Variants in NCAM2 observed in about 807,000 individuals in gnomAD.
NCAM2 encodes neural cell adhesion molecule 2, also known as N-CAM-2.
In NCAM2, 30 loss-of-function variants were observed where a neutral mutation model predicts 98.1. The ratio of observed to expected loss-of-function variants is 0.31; its 90% CI spans 0.23 to 0.41. NCAM2 has a LOEUF of 0.41. Among genes scored for constraint, NCAM2 ranks in the 10% least tolerant of loss-of-function variants. NCAM2 has a pLI of 1.00. For missense variants in NCAM2, 867 were observed against 1,005.8 expected, an observed-to-expected ratio of 0.86 and a Z score of 1.87; for synonymous variants, 368 against 342.4, an observed-to-expected ratio of 1.07 and a Z score of -0.83.
intron 1 of NCAM2, among the ~76,000 whole-genome samples, chr21:21,160,414 A>G (rs1250750013): frequency 6.6e-6 from 1 of 152,002 alleles, no homozygotes; most frequent in East Asian, 1.9e-4. Flanking sequence ...TCTAGTGAGT[A>G]TTTGTGTTGT....
At chr21:21,077,663 T>G (rs146367695) in intron 1 of NCAM2, among the ~76,000 whole-genome samples, 4 of 152,164 alleles carry the variant, frequency 2.6e-5, no homozygotes, top group Non-Finnish European at 5.9e-5. Flanking sequence ...AATAAAATAG[T>G]CTAAACAAAT....
intron 5 of NCAM2, among the ~76,000 whole-genome samples, chr21:21,296,163 C>G (rs929920339): frequency 1.3e-5 from 2 of 151,746 alleles, no homozygotes; most frequent in African/African-American, 4.8e-5. Context: ...AGTTGTAGCT[C>G]AACAATCTGT....
At chr21:21,369,448 T>A (rs73322792) in intron 8 of NCAM2, among the ~76,000 whole-genome samples, 3,248 of 151,988 alleles carry the variant, frequency 0.021, 98 homozygotes, top group African/African-American at 0.074. Context: ...TATGTACAAG[T>A]TTTTGTGTGG....
intron 1 of NCAM2, among the ~76,000 whole-genome samples, chr21:21,137,774 T>C (rs1486381205): frequency 6.6e-6 from 1 of 152,060 alleles, no homozygotes; most frequent in Non-Finnish European, 1.5e-5. Flanking sequence ...ATGTTGAAAG[T>C]GTAAGAGTGA....
At chr21:21,477,975 T>C (rs1985384131) in intron 15 of NCAM2, among the ~76,000 whole-genome samples, 1 of 152,188 alleles carries the variant, frequency 6.6e-6, no homozygotes, top group Non-Finnish European at 1.5e-5. Flanking sequence ...CCTAGAGTTT[T>C]AAGAAGGCTC....
intron 1 of NCAM2, among the ~76,000 whole-genome samples, chr21:21,056,100 A>G (rs9636689): frequency 0.063 from 9,605 of 152,164 alleles, 313 homozygotes; most frequent in East Asian, 0.098. Context: ...ATTAACTACT[A>G]TCTTTACGCA....
At chr21:21,242,887 G>A (rs1343791825) in intron 1 of NCAM2, among the ~76,000 whole-genome samples, 1 of 152,162 alleles carries the variant, frequency 6.6e-6, no homozygotes, top group East Asian at 1.9e-4. Context: ...TGAAGGGAAA[G>A]AGGTATATGG....
intron 9 of NCAM2, among the ~76,000 whole-genome samples, chr21:21,377,688 T>C (rs1004868505): frequency 5.3e-5 from 8 of 151,958 alleles, no homozygotes; most frequent in Non-Finnish European, 5.9e-5. Context: ...CCTACCTTTT[T>C]TATGGTGAGA....
intron 12 of NCAM2, among the ~76,000 whole-genome samples, chr21:21,462,781 G>T (rs991183984): frequency 3.9e-5 from 6 of 151,992 alleles, no homozygotes; most frequent in African/African-American, 1.4e-4. Flanking sequence ...ATTCTATAGA[G>T]AATTCATTTC....
At chr21:21,141,322 G>T (rs982440936) in intron 1 of NCAM2, among the ~76,000 whole-genome samples, 7 of 152,144 alleles carry the variant, frequency 4.6e-5, no homozygotes, top group Admixed American at 4.6e-4. Flanking sequence ...CTCCTTTAAT[G>T]ATGTTAGCAG....
At chr21:21,315,952 G>T (rs1440762704) in intron 5 of NCAM2, among the ~76,000 whole-genome samples, 1 of 152,088 alleles carries the variant, frequency 6.6e-6, no homozygotes, top group Non-Finnish European at 1.5e-5. Context: ...TTTTAAACTT[G>T]TTGACATATA....
At chr21:21,234,198 A>G (rs1432014677) in intron 1 of NCAM2, among the ~76,000 whole-genome samples, 1 of 151,854 alleles carries the variant, frequency 6.6e-6, no homozygotes, top group Non-Finnish European at 1.5e-5. Context: ...TTAACAATCT[A>G]CAATGCACTA....
At chr21:21,227,105 C>A (rs1219910914) in intron 1 of NCAM2, among the ~76,000 whole-genome samples, 1 of 151,598 alleles carries the variant, frequency 6.6e-6, no homozygotes, top group African/African-American at 2.4e-5. Flanking sequence ...AATGTTACTG[C>A]AAACAAATAT....
Position 21,275,396 on chromosome 21 carries a change from T to C in NCAM2, c.56-5182T>C, listed in dbSNP as rs531978614. 8.4e-3 allele frequency among the ~76,000 whole-genome samples: 1,269 copies of C among 151,160 alleles called. 8 individuals are homozygous for C. Among genetic ancestry groups the C allele is most frequent in the Non-Finnish European group, 0.014 (977 of 67,854 alleles). On this transcript the variant is annotated intron_variant, in intron 1 of 17. Transcript: ENST00000400546. ...CGGAGCTTGCAGTGAGCTGAGATCA[T>C]GCCACTGCACTCCAGCCTGGGCGAC...
intron 16 of NCAM2, among the ~76,000 whole-genome samples, chr21:21,525,167 A>T (rs1361463027): frequency 6.6e-6 from 1 of 152,144 alleles, no homozygotes; most frequent in Admixed American, 6.6e-5. Flanking sequence ...TTGTAGAAGA[A>T]GTAAATGCAT....
chr21:21,189,742 G>T (rs1170210458), intron 1 of NCAM2, among the ~76,000 whole-genome samples: 1 of 152,142 alleles, frequency 6.6e-6, no homozygotes, highest in African/African-American at 2.4e-5. Context: ...TGTTGGATAT[G>T]TTTATAGAAG....
chr21:21,468,781 A>C lies in NCAM2; in HGVS notation c.1894A>C (p.Ser632Arg), dbSNP rs199790866. Residue 632 changes from serine to arginine, a missense_variant and splice_region_variant, in exon 14 of 18, where the codon AGT becomes CGT. Physicochemically the swap from Ser to Arg is moderately radical, Grantham distance 110 (BLOSUM62 -1). This residue lies in a region of NCAM2 where 234 missense variants were observed against 333.8 expected (regional missense o/e 0.70). Transcript: ENST00000400546. ...PILEYIVKYR[S>R]KDKEDQWLEK... ...TTTGGAATACATTGTGAAATATAGA[A>C]GTGTAAGTACCTTGTTTATTGTCAT... is the stretch of plus-strand genomic sequence containing the variant. The C allele has an allele frequency of 6.2e-7, 1 of 1,610,236 alleles. No individual in the cohort carries two copies. Among genetic ancestry groups the C allele is most frequent in the African/African-American group, 1.3e-5 (1 of 74,796 alleles).
intron 10 of NCAM2, 65 bp downstream of exon 10, chr21:21,410,526 T>C: frequency 1.1e-6 from 1 of 904,988 alleles, no homozygotes; most frequent in Non-Finnish European, 1.6e-6. Flanking sequence ...TTTCAGAATA[T>C]ATTTAAATAT....
In NCAM2 at chr21:21,189,913, C is replaced by T. The variant is rs563109323; in HGVS notation, c.56-90665C>T. 1.7e-4 allele frequency among the ~76,000 whole-genome samples: 26 copies of T among 152,248 alleles called. No individual in the cohort carries two copies. The South Asian group carries it at 3.9e-3, about 23-fold the overall frequency. ...GTGTCTCTTAATGTCAGAGCAATGC[C>T]GTCAAGTGGTGTCTGCCTAGTTACT... On this transcript the variant is annotated intron_variant, in intron 1 of 17. Coordinates refer to ENST00000400546, the MANE Select transcript of NCAM2 (RefSeq NM_004540.5).
Sources: gnomAD v4.1 joint callset for allele counts (sites outside exome capture counted in the v4.1 genomes callset) on GRCh38, gnomAD v4.1.1 for gene constraint, gnomAD v4.1.1 regional missense constraint, MANE v1.5 for transcripts, NCBI Gene and HGNC (gene_info 2026-07-23, HGNC 2026-07-21) for gene names.